Variants in GRID1 observed in about 807,000 individuals in gnomAD.
GRID1 encodes glutamate receptor ionotropic, delta-1.
A neutral mutation model predicts 98.0 loss-of-function variants in GRID1; 28 were observed. That is an observed-to-expected ratio of 0.29 (90% CI 0.21 to 0.39). GRID1 has a LOEUF of 0.39. Among genes scored for constraint, GRID1 ranks in the 10% least tolerant of loss-of-function variants. The pLI is 1.00. For synonymous variants in GRID1, 553 were observed against 538.5 expected, an observed-to-expected ratio of 1.03 and a Z score of -0.37; for missense variants, 1,111 against 1,340.5, an observed-to-expected ratio of 0.83 and a Z score of 2.67.
chr10:86,322,260 T>A (rs549351271), intron 2 of GRID1, among the ~76,000 whole-genome samples: 1 of 152,034 alleles, frequency 6.6e-6, no homozygotes, highest in African/African-American at 2.4e-5. Flanking sequence ...ACATGAAGGA[T>A]ATAAGCTCCA....
chr10:86,193,562 G>A (rs1231138980), intron 3 of GRID1, among the ~76,000 whole-genome samples: 1 of 152,074 alleles, frequency 6.6e-6, no homozygotes, highest in African/African-American at 2.4e-5. Flanking sequence ...TACCCAGGGT[G>A]GGTCCCTGGG....
At chr10:85,624,029 T>G (rs1842884424) in intron 13 of GRID1, among the ~76,000 whole-genome samples, 1 of 152,298 alleles carries the variant, frequency 6.6e-6, no homozygotes, top group South Asian at 2.1e-4. Flanking sequence ...TTTTGCCACT[T>G]CCTATTCAAA....
intron 3 of GRID1, among the ~76,000 whole-genome samples, chr10:86,145,489 C>T (rs1318593122): frequency 6.6e-6 from 1 of 151,834 alleles, no homozygotes. Flanking sequence ...CTCCTCAAAC[C>T]ATGTACCTTG....
At chr10:86,047,633 G>A (rs10788478) in intron 4 of GRID1, among the ~76,000 whole-genome samples, 50,575 of 151,728 alleles carry the variant, frequency 0.33, 9,449 homozygotes, top group South Asian at 0.5. Flanking sequence ...GAAGCTCTGG[G>A]TTAATTGGAA....
At chr10:85,959,151 T>G (rs1842233256) in intron 4 of GRID1, among the ~76,000 whole-genome samples, 5 of 152,150 alleles carry the variant, frequency 3.3e-5, no homozygotes, top group Admixed American at 3.3e-4. Flanking sequence ...CTGCACATCT[T>G]GGGATTTGTC....
chr10:85,839,390 G>A lies in GRID1; in HGVS notation c.1233+15106C>T, dbSNP rs539226626. On this transcript the variant is annotated intron_variant, in intron 8 of 15. Coordinates refer to ENST00000327946, the MANE Select transcript of GRID1 (RefSeq NM_017551.3). ...TTTACAATTGATCACATAATCCAAAGTAAAACACTCATCAGCCAATGCAAA... is the reference window on the plus strand; with the variant it reads ...TTTACAATTGATCACATAATCCAAAATAAAACACTCATCAGCCAATGCAAA... Among the ~76,000 whole-genome samples the A allele has an allele frequency of 4.6e-5, 7 of 152,242 alleles. No homozygotes were observed. In the East Asian group the frequency reaches 7.7e-4, roughly 17 times the overall value.
intron 2 of GRID1, among the ~76,000 whole-genome samples, chr10:86,354,000 C>T (rs1460034444): frequency 2.6e-5 from 4 of 152,108 alleles, no homozygotes; most frequent in Admixed American, 2.6e-4. Context: ...AGAGCCCAGA[C>T]CAGAGGCCAG....
chr10:86,204,596 A>G (rs1055368070), intron 3 of GRID1, among the ~76,000 whole-genome samples: 8 of 152,244 alleles, frequency 5.3e-5, no homozygotes, highest in African/African-American at 1.7e-4. Flanking sequence ...AAGTGCCACC[A>G]GGCCTTGTTC....
chr10:86,358,570 AAC>A (rs1848562798), intron 2 of GRID1, among the ~76,000 whole-genome samples: 1 of 151,920 alleles, frequency 6.6e-6, no homozygotes, highest in African/African-American at 2.4e-5. Flanking sequence ...CATCCTGGCT[AAC>A]ACAGTGAAAT....
chr10:85,939,603 CTT>C (rs138169363), intron 4 of GRID1, among the ~76,000 whole-genome samples: 2 of 152,290 alleles, frequency 1.3e-5, no homozygotes, highest in East Asian at 3.9e-4. Context: ...TCCTCTGACT[CTT>C]TGTCTCCCTC....
intron 13 of GRID1, among the ~76,000 whole-genome samples, chr10:85,624,996 T>C (rs1329525794): frequency 1.3e-5 from 2 of 152,158 alleles, no homozygotes; most frequent in East Asian, 1.9e-4. Flanking sequence ...AAAAACACTA[T>C]ATATTTATAT....
chr10:85,772,611 A>G (rs1204042414), intron 8 of GRID1, among the ~76,000 whole-genome samples: 1 of 152,244 alleles, frequency 6.6e-6, no homozygotes, highest in East Asian at 1.9e-4. Flanking sequence ...GAAGAAGCAA[A>G]TAGACGCAAT....
At chr10:86,034,902 GTGGATGGATGGATGGA>G (rs59211171) in intron 4 of GRID1, among the ~76,000 whole-genome samples, 47 of 143,844 alleles carry the variant, frequency 3.3e-4, no homozygotes, top group East Asian at 2.1e-3. Flanking sequence ...CAATGGATTG[GTGGATGGATGGATGGA>G]TGGATGGATG....
chr10:86,166,586 G>A (rs1845402136), intron 3 of GRID1, among the ~76,000 whole-genome samples: 2 of 152,186 alleles, frequency 1.3e-5, no homozygotes, highest in Admixed American at 6.5e-5. Context: ...CTGAGAGGAT[G>A]AGTAACTTGG....
chr10:85,670,173 A>G (rs984763231), intron 12 of GRID1, among the ~76,000 whole-genome samples: 1 of 152,240 alleles, frequency 6.6e-6, no homozygotes, highest in Non-Finnish European at 1.5e-5. Flanking sequence ...TAACACAGGA[A>G]AGACTGAAAA....
rs543749509 is a variant in GRID1, at chr10:85,780,486, T to C, written c.1234-50872A>G. 5.3e-5 allele frequency among the ~76,000 whole-genome samples: 8 copies of C among 152,314 alleles called. No homozygotes were observed. The South Asian group carries it at 1.7e-3, about 32-fold the overall frequency. The stretch of plus-strand genomic sequence containing the variant: ...CCTGTTTCTCCTAATTACTATTCTG[T>C]GACCTTGAGCACATTACTTAACCTC... On this transcript the variant is annotated intron_variant, in intron 8 of 15. Transcript: ENST00000327946.
chr10:86,361,803 A>G lies in GRID1; in HGVS notation c.235+2138T>C, dbSNP rs528273307. ...TACAACAGTAGGATTTTCACGCCCAATGGCAAAATCTGTTAAAGCTGTGTG... is the reference window on the plus strand; with the variant it reads ...TACAACAGTAGGATTTTCACGCCCAGTGGCAAAATCTGTTAAAGCTGTGTG... On this transcript the variant is annotated intron_variant, in intron 2 of 15. Transcript: ENST00000327946. 2.6e-5 allele frequency among the ~76,000 whole-genome samples: 4 copies of G among 152,364 alleles called. No homozygotes were observed. The East Asian group carries it at 7.7e-4, about 29-fold the overall frequency.
chr10:85,599,802 A>AAAT lies in GRID1; in HGVS notation c.*2470_*2471insATT. The AAAT allele has an allele frequency of 4.6e-5, 3 of 64,974 alleles. No homozygotes were observed. The highest frequency in any genetic ancestry group is 1.9e-4 in the African/African-American group (2 of 10,726). 4.0% of individuals were successfully genotyped at this position (64,974 alleles called of 1,614,324 possible). On this transcript the variant is annotated 3_prime_UTR_variant, in exon 16 of 16. Coordinates refer to ENST00000327946, the MANE Select transcript of GRID1 (RefSeq NM_017551.3). ...GTAGAAAATTCTAAAAAAAAAAAAA[A>AAAT]ATATATATATATATATATAAACATG...
At chr10:86,278,291 C>G (rs1847302858) in intron 2 of GRID1, among the ~76,000 whole-genome samples, 1 of 152,086 alleles carries the variant, frequency 6.6e-6, no homozygotes, top group South Asian at 2.1e-4. Flanking sequence ...TAAGTCAAAA[C>G]TGTAAGAAGA....
Sources: gnomAD v4.1 joint callset for allele counts (sites outside exome capture counted in the v4.1 genomes callset) on GRCh38, gnomAD v4.1.1 for gene constraint, MANE v1.5 for transcripts, NCBI Gene and HGNC (gene_info 2026-07-23, HGNC 2026-07-21) for gene names.